BTG3: variants seen among roughly 807,000 people sequenced by gnomAD.
BTG3 encodes BTG anti-proliferation factor 3.
A neutral mutation model predicts 25.8 loss-of-function variants in BTG3; 4 were observed. The ratio of observed to expected loss-of-function variants is 0.16; its 90% confidence interval spans 0.08 to 0.36. The LOEUF is 0.36. Among genes scored for constraint, BTG3 ranks in the 10% least tolerant of loss-of-function variants. The probability of loss-of-function intolerance (pLI) is 1.00; values close to 1 mark genes in which losing one functional copy is unlikely to be tolerated. For missense variants in BTG3, 201 were observed against 304.9 expected (o/e 0.66, Z 2.54); for synonymous variants, 107 against 99.9 (o/e 1.07, Z -0.42).
At position 17,594,148 on chromosome 21, in the gene BTG3, C is replaced by G; in HGVS notation, c.704G>C (p.Gly235Ala). Residue 235 changes from glycine to alanine, a missense_variant, in exon 5 of 5, where the codon GGA becomes GCA. Around this residue, in one of 2 missense-constraint regions of BTG3, gnomAD observed 131 missense variants for 129.3 expected, o/e 1.01. Coordinates refer to ENST00000348354, the MANE Select transcript of BTG3 (RefSeq NM_006806.5). The part of the protein sequence containing the change: ...PIPVTWVPPP[G>A]MHCDRNHWIN... ...CCAGTGATTCCGGTCACAATGCATT[C>G]CAGGAGGAGGTACCCATGTCACTGG... 6.2e-7 allele frequency: 1 copy of G among 1,613,224 alleles called. No homozygotes were observed.
At chr21:17,605,161 T>A (rs1285346767) in intron 2 of BTG3, 164 bp from the exon 3 acceptor site, 4 of 772,076 alleles carry the variant, frequency 5.2e-6, no homozygotes, top group Non-Finnish European at 7.7e-6. Context: ...AAATGTGAAC[T>A]ACAGGCACAG....
intron 1 of BTG3, among the ~76,000 whole-genome samples, chr21:17,610,597 A>ATTTT: frequency 6.6e-6 from 1 of 152,198 alleles, no homozygotes; most frequent in Non-Finnish European, 1.5e-5. Context: ...TTAAGGGCAA[A>ATTTT]CCCTTGTCCT....
chr21:17,603,529 T>C (rs1038322246), intron 3 of BTG3, among the ~76,000 whole-genome samples: 1 of 152,308 alleles, frequency 6.6e-6, no homozygotes, highest in East Asian at 1.9e-4. Flanking sequence ...TCCACCTTCA[T>C]TGCTGGAATC....
intron 2 of BTG3, 32 bp downstream of exon 2, chr21:17,608,940 C>T (rs372473598): frequency 1.3e-6 from 2 of 1,590,558 alleles, no homozygotes; most frequent in African/African-American, 2.7e-5. Flanking sequence ...AGGGGTTGAT[C>T]AGCCTCTGCT....
chr21:17,610,993 C>A lies in BTG3; in HGVS notation c.-9+1706G>T, dbSNP rs75973673. Among the ~76,000 whole-genome samples, 679 of 152,272 alleles carry A rather than the reference C, an allele frequency of 4.5e-3. 24 individuals are homozygous for A. The East Asian group carries it at 0.08, about 18-fold the overall frequency. ...CTGATGGAGGGGAAGGCACACAAAT[C>A]TTCCTCCCAGAACCCTAGAATGAGA... On this transcript the variant is annotated intron_variant, in intron 1 of 4. Transcript: ENST00000348354.
chr21:17,601,848 A>G lies in BTG3; in HGVS notation c.311+3012T>C, dbSNP rs924105281. 5.3e-5 allele frequency among the ~76,000 whole-genome samples: 8 copies of G among 152,356 alleles called. 1 individual carries two copies. The East Asian group carries it at 1.5e-3, about 29-fold the overall frequency. On this transcript the variant is annotated intron_variant, in intron 3 of 4. Transcript: ENST00000348354. ...ACAGAAACCTCAACCAAGGGCAAAT[A>G]TCTAATGATTGAAGGATCAGCATTA... is the stretch of plus-strand genomic sequence containing the variant.
chr21:17,594,465 T>C, intron 4 of BTG3, 133 bp from the exon 5 acceptor site: 1 of 1,061,348 alleles, frequency 9.4e-7, no homozygotes, highest in Non-Finnish European at 1.3e-6. Flanking sequence ...TATTGTCAGG[T>C]CTAAATACAT....
intron 1 of BTG3, among the ~76,000 whole-genome samples, chr21:17,610,322 G>T (rs1443937480): frequency 6.6e-6 from 1 of 152,116 alleles, no homozygotes; most frequent in African/African-American, 2.4e-5. Context: ...GAATTGCATG[G>T]TATATAAATT....
chr21:17,602,940 G>A (rs376629295), intron 3 of BTG3, among the ~76,000 whole-genome samples: 41 of 152,254 alleles, frequency 2.7e-4, no homozygotes, highest in Middle Eastern at 3.4e-3. Flanking sequence ...TATATTGAAC[G>A]TAAACTATTT....
At chr21:17,594,755 A>G (rs945362094) in intron 4 of BTG3, among the ~76,000 whole-genome samples, 3 of 151,936 alleles carry the variant, frequency 2.0e-5, no homozygotes, top group Non-Finnish European at 2.9e-5. Context: ...CAGAAAATCA[A>G]CTACCGCATG....
chr21:17,603,519 T>C (rs1186011479), intron 3 of BTG3, among the ~76,000 whole-genome samples: 1 of 152,182 alleles, frequency 6.6e-6, no homozygotes, highest in African/African-American at 2.4e-5. Flanking sequence ...TGTCTTCACC[T>C]CCACCTTCAT....
chr21:17,602,576 G>C (rs13046207), intron 3 of BTG3, among the ~76,000 whole-genome samples: 23,337 of 151,868 alleles, frequency 0.15, 2,062 homozygotes, highest in East Asian at 0.22. Flanking sequence ...TTCTTTTTGG[G>C]GTTCTGTTAT....
chr21:17,611,051 G>A (rs571109947), intron 1 of BTG3, among the ~76,000 whole-genome samples: 3 of 152,272 alleles, frequency 2.0e-5, no homozygotes, highest in Admixed American at 6.5e-5. Context: ...AGCAGGCACC[G>A]GGCATGGGTC....
At chr21:17,612,343 A>T (rs1193720119) in intron 1 of BTG3, 1 of 152,060 alleles carries the variant, frequency 6.6e-6, no homozygotes, top group Non-Finnish European at 1.5e-5. Context: ...CTCCAGAAAA[A>T]ACACCGACGC....
intron 2 of BTG3, 59 bp downstream of exon 2, chr21:17,608,913 G>C (rs532697588): frequency 8.6e-6 from 13 of 1,516,342 alleles, no homozygotes; most frequent in Non-Finnish European, 1.2e-5. Flanking sequence ...TCAATCATCC[G>C]GCCTTGAACC....
chr21:17,607,967 C>CTTGG (rs1439731643), intron 2 of BTG3, among the ~76,000 whole-genome samples: 3 of 152,206 alleles, frequency 2.0e-5, no homozygotes, highest in Non-Finnish European at 2.9e-5. Flanking sequence ...GTACAAAAGA[C>CTTGG]AGCTCCAAGT....
At chr21:17,605,387 C>T (rs985216699) in intron 2 of BTG3, among the ~76,000 whole-genome samples, 4 of 152,170 alleles carry the variant, frequency 2.6e-5, no homozygotes, top group Non-Finnish European at 4.4e-5. Context: ...TCTAATGTTT[C>T]AGATGGTATT....
chr21:17,600,669 AAAC>A (rs963059923), intron 3 of BTG3, among the ~76,000 whole-genome samples: 4 of 152,022 alleles, frequency 2.6e-5, no homozygotes, highest in African/African-American at 9.7e-5. Flanking sequence ...AAAAACAAAA[AAAC>A]AAGAACAAAA....
Position 17,594,309 on chromosome 21 carries a change from A to T in BTG3, c.543T>A (p.Pro181=). 2 of 1,612,968 alleles carry T rather than the reference A, an allele frequency of 1.2e-6. No homozygotes were observed. The highest frequency in any genetic ancestry group is 1.7e-6 in the Non-Finnish European group (2 of 1,179,220). Residue 181 remains proline, a synonymous_variant, in exon 5 of 5, where the codon CCT becomes CCA. Coordinates refer to ENST00000348354, the MANE Select transcript of BTG3 (RefSeq NM_006806.5). ...VYQISELIFP[P]LPMWHPLPRK... is the part of the protein sequence containing the mutation. ...TGGGCAAAGGGTGCCACATTGGAAGAGGTGGAAATATAAGTTCTGAAATCT... is the reference window on the plus strand; with the variant it reads ...TGGGCAAAGGGTGCCACATTGGAAGTGGTGGAAATATAAGTTCTGAAATCT...
Sources: allele counts gnomAD v4.1 joint callset (sites outside exome capture counted in the v4.1 genomes callset), GRCh38; gene constraint gnomAD v4.1.1; regional missense constraint gnomAD v4.1.1; transcripts MANE v1.5; gene names NCBI Gene and HGNC (gene_info 2026-07-23, HGNC 2026-07-21).